The following CD274 variants were observed in gnomAD, a reference collection of about 807,000 sequenced individuals.
The protein encoded by CD274 is programmed cell death 1 ligand 1.
CD274 carries 8 observed loss-of-function variants against 30.1 expected under a neutral mutation model. The ratio of observed to expected loss-of-function variants is 0.27; its 90% CI spans 0.16 to 0.48. CD274 has a LOEUF of 0.48. CD274 is among the 20% of genes least tolerant of loss of function. The probability of loss-of-function intolerance (pLI) is 0.99; values close to 1 mark genes in which losing one functional copy is unlikely to be tolerated. For synonymous variants in CD274, 152 were observed against 124.6 expected (o/e 1.22, Z -1.46); for missense variants, 353 against 346.6 (o/e 1.02, Z -0.15).
intron 6 of CD274, among the ~76,000 whole-genome samples, chr9:5,467,271 G>T (rs1481932970): frequency 1.3e-5 from 2 of 151,964 alleles, no homozygotes. Context: ...AAAACAGAGG[G>T]TCAAGAAGAT....
chr9:5,452,106 T>A lies in CD274; in HGVS notation c.-15+1510T>A, dbSNP rs1271998747. Among the ~76,000 whole-genome samples the A allele has an allele frequency of 2.8e-5, 4 of 144,308 alleles. No homozygotes were observed. In the Admixed American group the frequency reaches 2.9e-4, roughly 10 times the overall value. 94.7% of individuals were successfully genotyped at this position (144,308 alleles called of 152,430 possible). A position where few individuals can be genotyped will look rare whatever the true frequency, so the allele number is the denominator to read the frequency against. On this transcript the variant is annotated intron_variant, in intron 1 of 6. Coordinates refer to ENST00000381577, the MANE Select transcript of CD274 (RefSeq NM_014143.4). ...AGTGGTGCAATCTCAGCTCACTGCC[T>A]CCCGGGTTCAAGTGATTCTCCTGCC...
In CD274 at chr9:5,468,075, T is replaced by C; in HGVS notation, c.*213T>C. The stretch of plus-strand genomic sequence containing the variant: ...CAAACAGGGAGCCTGGAGGGAGACC[T>C]TGATACTTTCAAATGCCTGAGGGGC... On this transcript the variant is annotated 3_prime_UTR_variant, in exon 7 of 7. Transcript: ENST00000381577. 1 of 587,668 alleles carries C rather than the reference T, an allele frequency of 1.7e-6. No individual in the cohort carries two copies. The highest frequency in any genetic ancestry group is 2.8e-5 in the East Asian group (1 of 35,716). 36.4% of individuals were successfully genotyped at this position (587,668 alleles called of 1,614,324 possible).
intron 4 of CD274, among the ~76,000 whole-genome samples, chr9:5,463,868 T>C (rs1019135774): frequency 6.6e-6 from 1 of 152,002 alleles, no homozygotes; most frequent in Non-Finnish European, 1.5e-5. Context: ...TTTATCTCAC[T>C]ACTCTACAGA....
Position 5,470,265 on chromosome 9 carries a change from A to C in CD274, c.*2403A>C, listed in dbSNP as rs1178508649. 4.3e-6 allele frequency: 1 copy of C among 232,520 alleles called. No homozygotes were observed. Among genetic ancestry groups the C allele is most frequent in the Non-Finnish European group, 8.5e-6 (1 of 117,656 alleles). The allele number at this position is 232,520 out of a possible 1,614,324, so 14.4% of individuals were successfully genotyped here. On this transcript the variant is annotated 3_prime_UTR_variant, in exon 7 of 7. Transcript: ENST00000381577. ...TTGGTGTGACAGTGTTCTTTGTGTG[A>C]ATTACAGGCAAGAATTGTGGCTGAG...
chr9:5,451,388 C>G (rs1280206854), intron 1 of CD274, among the ~76,000 whole-genome samples: 2 of 152,174 alleles, frequency 1.3e-5, no homozygotes, highest in Admixed American at 1.3e-4. Flanking sequence ...GTGGTTCTGT[C>G]TTAGCCATTC....
In CD274 at chr9:5,468,433, G is replaced by T. The variant is rs547407034; in HGVS notation, c.*571G>T. The T allele has an allele frequency of 8.6e-5, 20 of 233,468 alleles. No individual in the cohort carries two copies. Among genetic ancestry groups the T allele is most frequent in the African/African-American group, 4.2e-4 (19 of 45,446 alleles). 14.5% of individuals were successfully genotyped at this position (233,468 alleles called of 1,614,324 possible). A position where few individuals can be genotyped will look rare whatever the true frequency, so the allele number is the denominator to read the frequency against. ...ATTTTGTCGCCAAACTAAACTTGCTGCTTAATGATTTGCTCACATCTAGTA... is the reference window on the plus strand; with the variant it reads ...ATTTTGTCGCCAAACTAAACTTGCTTCTTAATGATTTGCTCACATCTAGTA... On this transcript the variant is annotated 3_prime_UTR_variant, in exon 7 of 7. Transcript: ENST00000381577.
intron 1 of CD274, among the ~76,000 whole-genome samples, chr9:5,453,535 T>A (rs776382996): frequency 6.6e-6 from 1 of 152,166 alleles, no homozygotes; most frequent in Non-Finnish European, 1.5e-5. Flanking sequence ...TATGATATTT[T>A]AAAAAATTGG....
At position 5,465,739 on chromosome 9, in the gene CD274, T is replaced by C. The variant is rs1288299241; in HGVS notation, c.790+133T>C. On this transcript the variant is annotated intron_variant, in intron 5 of 6. Coordinates refer to ENST00000381577, the MANE Select transcript of CD274 (RefSeq NM_014143.4). ...GCATTCCACTGTTCAACAGCAATTA[T>C]ATTGAAGCTGAGTGGGATCACTGGG... The C allele has an allele frequency of 1.0e-5, 6 of 584,142 alleles. No individual in the cohort carries two copies. In the East Asian group the frequency reaches 1.7e-4, roughly 17 times the overall value. 36.2% of individuals were successfully genotyped at this position (584,142 alleles called of 1,614,324 possible). A position where few individuals can be genotyped will look rare whatever the true frequency, so the allele number is the denominator to read the frequency against.
At chr9:5,461,031 A>T (rs1179517190) in intron 3 of CD274, among the ~76,000 whole-genome samples, 1 of 152,202 alleles carries the variant, frequency 6.6e-6, no homozygotes, top group Admixed American at 6.6e-5. Flanking sequence ...CAATATTTTC[A>T]GTTTTTACTA....
At chr9:5,463,306 C>G (rs1238000379) in intron 4 of CD274, 185 bp downstream of exon 4, 2 of 599,084 alleles carry the variant, frequency 3.3e-6, no homozygotes, top group Non-Finnish European at 5.9e-6. Context: ...ACTTAATAAA[C>G]ATTCAGCAGA....
At chr9:5,467,756 T>C (rs2131235141) in intron 6 of CD274, 84 bp from the exon 7 acceptor site, 1 of 1,060,202 alleles carries the variant, frequency 9.4e-7, no homozygotes, top group Non-Finnish European at 1.5e-6. Context: ...TCAGCAACTA[T>C]GAGTTATGTT....
Position 5,457,121 on chromosome 9 carries a change from A to G in CD274, c.95A>G (p.Tyr32Cys), listed in dbSNP as rs2131211170. 2 of 1,613,886 alleles carry G rather than the reference A, an allele frequency of 1.2e-6. No homozygotes were observed. Among genetic ancestry groups the G allele is most frequent in the South Asian group, 2.2e-5 (2 of 91,086 alleles). Residue 32 changes from tyrosine to cysteine, a missense_variant, in exon 3 of 7, where the codon TAT (tyrosine) becomes TGT (cysteine). Tyr to Cys is a radical substitution (Grantham distance 194, BLOSUM62 -2). Coordinates refer to ENST00000381577, the MANE Select transcript of CD274 (RefSeq NM_014143.4). ...TVPKDLYVVE[Y>C]GSNMTIECKF... is the part of the protein sequence containing the mutation. Reference sequence around the variant, plus strand: ...CCCAAGGACCTATATGTGGTAGAGTATGGTAGCAATATGACAATTGAATGC... The same window carrying G: ...CCCAAGGACCTATATGTGGTAGAGTGTGGTAGCAATATGACAATTGAATGC...
intron 1 of CD274, among the ~76,000 whole-genome samples, chr9:5,452,856 C>T (rs1819231616): frequency 1.3e-5 from 2 of 152,054 alleles, no homozygotes. Flanking sequence ...TTTAATGTCC[C>T]TTTGTTTTAT....
At chr9:5,464,028 G>T (rs1487281847) in intron 4 of CD274, among the ~76,000 whole-genome samples, 6 of 152,090 alleles carry the variant, frequency 3.9e-5, no homozygotes, top group Non-Finnish European at 8.8e-5. Flanking sequence ...ATAGGAAAAT[G>T]CCACGTACTT....
chr9:5,467,973 A>T lies in CD274; in HGVS notation c.*111A>T. The T allele has an allele frequency of 1.1e-6, 1 of 915,230 alleles. No individual in the cohort carries two copies. Among genetic ancestry groups the T allele is most frequent in the South Asian group, 1.3e-5 (1 of 74,408 alleles). The allele number at this position is 915,230 out of a possible 1,614,324, so 56.7% of individuals were successfully genotyped here. ...GGAATGGGCCCGTGGGATGCAGGCAATGTGGGACTTAAAAGGCCCAAGCAC... is the reference window on the plus strand; with the variant it reads ...GGAATGGGCCCGTGGGATGCAGGCATTGTGGGACTTAAAAGGCCCAAGCAC... On this transcript the variant is annotated 3_prime_UTR_variant, in exon 7 of 7. Transcript: ENST00000381577.
chr9:5,467,808 C>A (rs2131235385), intron 6 of CD274, 32 bp from the exon 7 acceptor site: 1 of 1,578,908 alleles, frequency 6.3e-7, no homozygotes, highest in Non-Finnish European at 8.7e-7. Flanking sequence ...GACCACTTCC[C>A]ATGAAATTAA....
In CD274 at chr9:5,469,775, G is replaced by T. The variant is rs1401725503; in HGVS notation, c.*1913G>T. 1 of 232,712 alleles carries T rather than the reference G, an allele frequency of 4.3e-6. No individual in the cohort carries two copies. 14.4% of individuals were successfully genotyped at this position (232,712 alleles called of 1,614,324 possible). ...GGATTTGTTTATGTTTGCTCAAAAG[G>T]AGACCCATGGGCTCTCCAGGGTGCA... On this transcript the variant is annotated 3_prime_UTR_variant, in exon 7 of 7. Coordinates refer to ENST00000381577, the MANE Select transcript of CD274 (RefSeq NM_014143.4).
chr9:5,465,754 G>T, intron 5 of CD274, 148 bp downstream of exon 5: 1 of 558,392 alleles, frequency 1.8e-6, no homozygotes, highest in Non-Finnish European at 3.2e-6. Flanking sequence ...AAGCTGAGTG[G>T]GATCACTGGG....
At chr9:5,462,782 A>G in intron 3 of CD274, 52 bp from the exon 4 acceptor site, 1 of 1,525,418 alleles carries the variant, frequency 6.6e-7, no homozygotes, top group South Asian at 1.2e-5. Context: ...CAAGCTATGT[A>G]CGTAGTTCTG....
Sources: gnomAD v4.1 joint callset for allele counts (sites outside exome capture counted in the v4.1 genomes callset) on GRCh38, gnomAD v4.1.1 for gene constraint, MANE v1.5 for transcripts, NCBI Gene and HGNC (gene_info 2026-07-23, HGNC 2026-07-21) for gene names.